Variants in OR7D4 observed in about 807,000 individuals in gnomAD.
OR7D4 encodes olfactory receptor family 7 subfamily D member 4.
For missense variants in OR7D4, 319 were observed against 377.1 expected, an observed-to-expected ratio of 0.85 and a Z score of 1.27; for synonymous variants, 154 against 158.4, an observed-to-expected ratio of 0.97 and a Z score of 0.21.
At chr19:9,216,907 A>G (rs2051218503) in intron 1 of OR7D4, among the ~76,000 whole-genome samples, 1 of 152,140 alleles carries the variant, frequency 6.6e-6, no homozygotes, top group Non-Finnish European at 1.5e-5. Flanking sequence ...TTTTGTTTTT[A>G]ACATTACAAT....
In OR7D4 at chr19:9,212,611, G is replaced by A. The variant is rs2051179721; in HGVS notation, c.*1288C>T. On this transcript the variant is annotated 3_prime_UTR_variant, in exon 2 of 2. Transcript: ENST00000641669. ...AGATTCCACGGCTCTGATTTCTGTG[G>A]GCTTATAGGGCTTGTATTTCAAAGG... is the stretch of plus-strand genomic sequence containing the variant. The A allele has an allele frequency of 6.6e-6, 1 of 152,066 alleles. No individual in the cohort carries two copies. 9.4% of individuals were successfully genotyped at this position (152,066 alleles called of 1,614,324 possible).
intron 1 of OR7D4, among the ~76,000 whole-genome samples, chr19:9,215,876 C>A (rs1427790368): frequency 6.6e-6 from 1 of 152,158 alleles, no homozygotes; most frequent in Non-Finnish European, 1.5e-5. Flanking sequence ...TCTGTTTTCA[C>A]TCTGCTGATA....
chr19:9,218,835 T>C (rs193169506), intron 1 of OR7D4, among the ~76,000 whole-genome samples: 2 of 152,122 alleles, frequency 1.3e-5, no homozygotes, highest in Non-Finnish European at 2.9e-5. Context: ...GGTTTTGCCA[T>C]GTTAGCCAGG....
intron 1 of OR7D4, 88 bp downstream of exon 1, chr19:9,219,112 A>T (rs2051237941): frequency 6.6e-6 from 1 of 152,152 alleles, no homozygotes; most frequent in Admixed American, 6.6e-5. Context: ...TCCCCAGACC[A>T]CTCTGGGTCT....
At chr19:9,216,717 A>C (rs1438198375) in intron 1 of OR7D4, among the ~76,000 whole-genome samples, 1 of 151,744 alleles carries the variant, frequency 6.6e-6, no homozygotes, top group East Asian at 1.9e-4. Context: ...TCAGCCTCCC[A>C]AGTAGCTGGG....
rs2051239471 is a variant in OR7D4, at chr19:9,219,369, G to A, written c.-183C>T. 1 of 152,168 alleles carries A rather than the reference G, an allele frequency of 6.6e-6. No homozygotes were observed. The highest frequency in any genetic ancestry group is 2.4e-5 in the African/African-American group (1 of 41,416). 9.4% of individuals were successfully genotyped at this position (152,168 alleles called of 1,614,324 possible). ...TTCCAAGGAGTGAGAACAGAAGGTG[G>A]GAGACACTGGTTTCTGTGAAAACTA... is the stretch of plus-strand genomic sequence containing the variant. On this transcript the variant is annotated 5_prime_UTR_variant, in exon 1 of 2. Transcript: ENST00000641669.
rs759078133 is a variant in OR7D4, at chr19:9,214,468, C to T, written c.370G>A (p.Val124Met). 6.2e-7 allele frequency: 1 copy of T among 1,614,124 alleles called. No homozygotes were observed. Among genetic ancestry groups the T allele is most frequent in the South Asian group, 1.1e-5 (1 of 91,072 alleles). ...TAGTGCAGTGGGTGGCAGATGGCCA[C>T]AAACCGGTCATAGGCCATCACGGCC... ...LLAVMAYDRF[V>M]AICHPLHYTV... Residue 124 changes from valine to methionine, a missense_variant, in exon 2 of 2, where the codon GTG becomes ATG. By Grantham distance (21) the Val-to-Met change is conservative (BLOSUM62 1). Coordinates refer to ENST00000641669, the MANE Select transcript of OR7D4 (RefSeq NM_001005191.3).
At position 9,212,955 on chromosome 19, in the gene OR7D4, A is replaced by G. The variant is rs1017813682; in HGVS notation, c.*944T>C. The G allele has an allele frequency of 1.3e-5, 2 of 152,156 alleles. No individual in the cohort carries two copies. Among genetic ancestry groups the G allele is most frequent in the African/African-American group, 4.8e-5 (2 of 41,428 alleles). 9.4% of individuals were successfully genotyped at this position (152,156 alleles called of 1,614,324 possible). A position where few individuals can be genotyped will look rare whatever the true frequency, so the allele number is the denominator to read the frequency against. On this transcript the variant is annotated 3_prime_UTR_variant, in exon 2 of 2. Transcript: ENST00000641669. The stretch of plus-strand genomic sequence containing the variant: ...CTGTTTTTATGGAAAGTAGGATGGC[A>G]AAGTTAGAAGTGTGGGCAAAGTGTC...
rs759330729 is a variant in OR7D4, at chr19:9,214,385, G to A, written c.453C>T (p.Ile151=). Residue 151 remains isoleucine, a synonymous_variant, in exon 2 of 2, where the codon ATC becomes ATT. Transcript: ENST00000641669. ...TATGAACCAGGGAGAACCAGAAAAT[G>A]ATGAACCAAGATGCCAGAACCAGGA... ...CGLLVLASWF[I]IFWFSLVHIL... is the part of the protein sequence containing the mutation. The A allele has an allele frequency of 6.2e-7, 1 of 1,614,130 alleles. No homozygotes were observed. Among genetic ancestry groups the A allele is most frequent in the Non-Finnish European group, 8.5e-7 (1 of 1,180,014 alleles).
Position 9,214,295 on chromosome 19 carries a change from C to T in OR7D4, c.543G>A (p.Pro181=), listed in dbSNP as rs371093831. 1.2e-5 allele frequency: 19 copies of T among 1,614,004 alleles called. No individual in the cohort carries two copies. Among genetic ancestry groups the T allele is most frequent in the Admixed American group, 6.7e-5 (4 of 60,006 alleles). Residue 181 remains proline, a synonymous_variant, in exon 2 of 2, where the codon CCG becomes CCA. Coordinates refer to ENST00000641669, the MANE Select transcript of OR7D4 (RefSeq NM_001005191.3). ...AGCAGGCCACCTTGAGGACCTGAGC[C>T]GGTTCACAGAAGAAATGCGGAATCT... ...GTEIPHFFCE[P]AQVLKVACSN... is the part of the protein sequence containing the mutation.
chr19:9,216,132 C>T (rs1037164728), intron 1 of OR7D4, among the ~76,000 whole-genome samples: 7 of 152,180 alleles, frequency 4.6e-5, no homozygotes, highest in African/African-American at 1.7e-4. Context: ...CTCCATGATT[C>T]AATTTCCTCC....
intron 1 of OR7D4, among the ~76,000 whole-genome samples, chr19:9,215,471 T>C (rs1337298089): frequency 2.6e-5 from 4 of 152,142 alleles, no homozygotes; most frequent in Non-Finnish European, 5.9e-5. Flanking sequence ...TAAAGGTATG[T>C]CATGTCTTTT....
chr19:9,217,793 C>T (rs954485191), intron 1 of OR7D4, among the ~76,000 whole-genome samples: 6 of 152,130 alleles, frequency 3.9e-5, no homozygotes, highest in African/African-American at 1.4e-4. Flanking sequence ...CCCACCTCGG[C>T]CTCCCAAAAT....
intron 1 of OR7D4, among the ~76,000 whole-genome samples, chr19:9,217,791 G>A (rs1030055920): frequency 6.6e-6 from 1 of 152,112 alleles, no homozygotes; most frequent in East Asian, 1.9e-4. Flanking sequence ...TGCCCACCTC[G>A]GCCTCCCAAA....
intron 1 of OR7D4, among the ~76,000 whole-genome samples, chr19:9,218,558 G>C (rs560578070): frequency 6.6e-6 from 1 of 152,174 alleles, no homozygotes; most frequent in Non-Finnish European, 1.5e-5. Flanking sequence ...ACAGTAAGGG[G>C]TTTAAATTCC....
rs772121392 is a variant in OR7D4, at chr19:9,214,315, G to A, written c.523C>T (p.Pro175Ser). ...TGAGCCGGTTCACAGAAGAAATGCG[G>A]AATCTCAGTGCCTGTGGAGAAGGTC... ...RLTFSTGTEI[P>S]HFFCEPAQVL... The change falls in exon 2 of 2, where the codon CCG becomes TCG. Residue 175 changes from proline to serine, a missense_variant. By Grantham distance (74) the Pro-to-Ser change is moderately conservative. Coordinates refer to ENST00000641669, the MANE Select transcript of OR7D4 (RefSeq NM_001005191.3). 6 of 1,614,026 alleles carry A rather than the reference G, an allele frequency of 3.7e-6. No homozygotes were observed. Among genetic ancestry groups the A allele is most frequent in the Non-Finnish European group, 4.2e-6 (5 of 1,180,038 alleles).
chr19:9,217,595 G>C (rs1022801247), intron 1 of OR7D4, among the ~76,000 whole-genome samples: 1 of 152,150 alleles, frequency 6.6e-6, no homozygotes, highest in African/African-American at 2.4e-5. Context: ...CTGGAGTATA[G>C]TGGTGCTATC....
rs1485114559 is a variant in OR7D4, at chr19:9,212,165, T to A, written c.*1734A>T. On this transcript the variant is annotated 3_prime_UTR_variant, in exon 2 of 2. Transcript: ENST00000641669. ...AACCACATCGTGGAGAATGAGGTAT[T>A]CATCCCTCAACTATTTATCTTTAGA... 1 of 152,228 alleles carries A rather than the reference T, an allele frequency of 6.6e-6. No homozygotes were observed. The highest frequency in any genetic ancestry group is 2.1e-4 in the South Asian group (1 of 4,836). 9.4% of individuals were successfully genotyped at this position (152,228 alleles called of 1,614,324 possible). A position where few individuals can be genotyped will look rare whatever the true frequency, so the allele number is the denominator to read the frequency against.
chr19:9,218,272 C>CAT (rs57954933), intron 1 of OR7D4, among the ~76,000 whole-genome samples: 61,851 of 151,818 alleles, frequency 0.41, 15,148 homozygotes, highest in African/African-American at 0.69. Context: ...CAGTAAATAA[C>CAT]ATATTCATAT....
Sources: gnomAD v4.1 joint callset for allele counts (sites outside exome capture counted in the v4.1 genomes callset) on GRCh38, gnomAD v4.1.1 for gene constraint, MANE v1.5 for transcripts, NCBI Gene and HGNC (gene_info 2026-07-23, HGNC 2026-07-21) for gene names.